Variants in POTEF observed in about 807,000 individuals in gnomAD.
POTEF encodes POTE ankyrin domain family member F.
In POTEF, 20 loss-of-function variants were observed where a neutral mutation model predicts 83.2. The observed-to-expected ratio is 0.24, with a 90% CI of 0.17 to 0.35. The LOEUF is 0.35. POTEF is among the 10% of genes least tolerant of loss of function. The probability of loss-of-function intolerance (pLI) is 1.00; values close to 1 mark genes in which losing one functional copy is unlikely to be tolerated. For missense variants in POTEF, 550 were observed against 1,203.2 expected (o/e 0.46, Z 8.03); for synonymous variants, 196 against 446.4 (o/e 0.44, Z 7.07).
intron 1 of POTEF, 72 bp from the exon 2 acceptor site, chr2:130,127,936 C>T (rs1685139375): frequency 1.5e-5 from 2 of 129,436 alleles, no homozygotes; most frequent in Non-Finnish European, 3.3e-5. Flanking sequence ...TGGCAGGGAC[C>T]AGCTTCAGCT....
chr2:130,109,121 G>C (rs1485424265), intron 7 of POTEF: 13 of 150,870 alleles, frequency 8.6e-5, no homozygotes, highest in Non-Finnish European at 1.9e-4. Context: ...TCAATATTTG[G>C]GTGGCACCCA....
intron 2 of POTEF, among the ~76,000 whole-genome samples, chr2:130,121,871 CTAGT>C (rs1031960746): frequency 1.4e-4 from 16 of 114,842 alleles, no homozygotes; most frequent in East Asian, 7.8e-4. Context: ...AGTGTATTAA[CTAGT>C]TAAACAATCA....
chr2:130,119,361 T>C (rs952781290), intron 3 of POTEF, among the ~76,000 whole-genome samples: 1 of 151,622 alleles, frequency 6.6e-6, no homozygotes, highest in African/African-American at 2.4e-5. Context: ...AGAGACAGGG[T>C]TTCACCGTGT....
At chr2:130,100,877 A>G (rs1684352235) in intron 9 of POTEF, among the ~76,000 whole-genome samples, 157 bp from the exon 10 acceptor site, 1 of 146,876 alleles carries the variant, frequency 6.8e-6, no homozygotes, top group South Asian at 2.1e-4. Context: ...ACTGTTAAAT[A>G]AATAATAATT....
chr2:130,118,860 A>G (rs1223626738), intron 3 of POTEF, among the ~76,000 whole-genome samples: 1 of 151,026 alleles, frequency 6.6e-6, no homozygotes. Flanking sequence ...ATTATGAACA[A>G]TCCATCTTTT....
chr2:130,088,870 T>TG (rs1684065715), intron 12 of POTEF, among the ~76,000 whole-genome samples: 1 of 152,160 alleles, frequency 6.6e-6, no homozygotes, highest in South Asian at 2.1e-4. Flanking sequence ...CCACCACACC[T>TG]GGCCTTATTT....
At chr2:130,105,992 T>C (rs1181085322) in intron 8 of POTEF, among the ~76,000 whole-genome samples, 3 of 151,124 alleles carry the variant, frequency 2.0e-5, no homozygotes, top group Non-Finnish European at 2.9e-5. Context: ...GCCAGTGAAA[T>C]GTTACAGGAA....
chr2:130,107,218 T>A (rs1405278975), intron 8 of POTEF, among the ~76,000 whole-genome samples: 1 of 148,378 alleles, frequency 6.7e-6, no homozygotes, highest in South Asian at 2.1e-4. Flanking sequence ...TAGCAGAGCA[T>A]CTTGTTCTAA....
chr2:130,073,971 A>G lies in POTEF; in HGVS notation c.*273T>C, dbSNP rs935183344. 14 of 658,004 alleles carry G rather than the reference A, an allele frequency of 2.1e-5. No individual in the cohort carries two copies. The highest frequency in any genetic ancestry group is 2.0e-5 in the Non-Finnish European group (8 of 397,524). The allele number at this position is 658,004 out of a possible 1,614,324, so 40.8% of individuals were successfully genotyped here. On this transcript the variant is annotated 3_prime_UTR_variant, in exon 17 of 17. Transcript: ENST00000409914. ...TTAGCAGGGCAAGGGGCTTCCTGAA[A>G]CAATGCGTCTCACAATATTTGGAAT...
intron 3 of POTEF, among the ~76,000 whole-genome samples, chr2:130,115,990 C>T (rs924450283): frequency 5.9e-5 from 9 of 152,008 alleles, no homozygotes; most frequent in East Asian, 1.9e-4. Flanking sequence ...TGGGGCATCA[C>T]ACAATCCCTG....
At position 130,110,708 on chromosome 2, in the gene POTEF, TAA is replaced by T. The variant is rs757256024; in HGVS notation, c.918-30_918-29del. ...AAAATGACAGAGATAGGAACTGTAA[TAA>T]AGTTATTTTTAAAGCTAATTTGATA... On this transcript the variant is annotated intron_variant, in intron 6 of 16. Transcript: ENST00000409914. 2.1e-5 allele frequency: 22 copies of T among 1,065,466 alleles called. 1 individual carries two copies. Among genetic ancestry groups the T allele is most frequent in the Non-Finnish European group, 2.6e-5 (21 of 800,406 alleles). The allele number at this position is 1,065,466 out of a possible 1,614,324, so 66.0% of individuals were successfully genotyped here. A position where few individuals can be genotyped will look rare whatever the true frequency, so the allele number is the denominator to read the frequency against.
Position 130,112,040 on chromosome 2 carries a change from A to G in POTEF, c.872T>C (p.Leu291Ser), listed in dbSNP as rs770123163. The G allele has an allele frequency of 4.2e-6, 5 of 1,193,248 alleles. 1 individual carries two copies. Among genetic ancestry groups the G allele is most frequent in the Non-Finnish European group, 5.8e-6 (5 of 866,292 alleles). The allele number at this position is 1,193,248 out of a possible 1,614,324, so 73.9% of individuals were successfully genotyped here. A position where few individuals can be genotyped will look rare whatever the true frequency, so the allele number is the denominator to read the frequency against. ...ATTTAAATTCGCTTTTTTCTTAATT[A>G]AAAATTTCACGACTTGCTGTTTTTG... ...HEQKQQVVKF[L>S]IKKKANLNAL... Residue 291 changes from leucine (L) to serine (S), a missense_variant, in exon 6 of 17, where the codon TTA (leucine) becomes TCA (serine). By Grantham distance (145) the Leu-to-Ser change is moderately radical. Coordinates refer to ENST00000409914, the MANE Select transcript of POTEF (RefSeq NM_001099771.2).
intron 3 of POTEF, among the ~76,000 whole-genome samples, chr2:130,118,000 G>A (rs180746661): frequency 0.046 from 6,942 of 150,790 alleles, 576 homozygotes; most frequent in African/African-American, 0.16. Flanking sequence ...GAATGTAGTG[G>A]CGCGATCTCG....
Position 130,115,470 on chromosome 2 carries a change from C to T in POTEF, c.522-142G>A, listed in dbSNP as rs1684823186. 4.6e-6 allele frequency: 5 copies of T among 1,089,032 alleles called. No individual in the cohort carries two copies. In the East Asian group the frequency reaches 1.3e-4, roughly 28 times the overall value. 67.5% of individuals were successfully genotyped at this position (1,089,032 alleles called of 1,614,324 possible). ...ATTTAACTTTCCCATGAAAAAAGCACACTATTTATTATCTCTCATTGCTCG... is the reference window on the plus strand; with the variant it reads ...ATTTAACTTTCCCATGAAAAAAGCATACTATTTATTATCTCTCATTGCTCG... On this transcript the variant is annotated intron_variant, in intron 3 of 16. Transcript: ENST00000409914.
At chr2:130,128,548 A>T (rs1399617189) in intron 1 of POTEF, among the ~76,000 whole-genome samples, 1 of 79,840 alleles carries the variant, frequency 1.3e-5, no homozygotes, top group African/African-American at 4.6e-5. Context: ...TAACCCCAAT[A>T]CCCCCCCCAA....
chr2:130,106,008 T>C (rs976388141), intron 8 of POTEF, among the ~76,000 whole-genome samples: 10 of 151,282 alleles, frequency 6.6e-5, no homozygotes, highest in Non-Finnish European at 8.8e-5. Context: ...AGGAAGCCCT[T>C]TGCATGCTTC....
At chr2:130,122,910 G>A (rs1439514547) in intron 2 of POTEF, among the ~76,000 whole-genome samples, 2 of 151,050 alleles carry the variant, frequency 1.3e-5, no homozygotes, top group Non-Finnish European at 2.9e-5. Context: ...TTTATCAGCT[G>A]TAATGGGTTT....
Position 130,100,740 on chromosome 2 carries a change from A to G in POTEF, c.1198-20T>C, listed in dbSNP as rs766830289. 8 of 1,608,478 alleles carry G rather than the reference A, an allele frequency of 5.0e-6. No homozygotes were observed. The highest frequency in any genetic ancestry group is 1.1e-5 in the South Asian group (1 of 90,464). On this transcript the variant is annotated intron_variant, in intron 9 of 16. Transcript: ENST00000409914. ...CATTTTCTGCAGAGGCAAAAACAGA[A>G]GGTTAATTTGCTTGTTGTGTTTCTG... is the stretch of plus-strand genomic sequence containing the variant.
At chr2:130,114,737 A>T (rs1684797859) in intron 5 of POTEF, 144 bp downstream of exon 5, 2 of 1,235,850 alleles carry the variant, frequency 1.6e-6, no homozygotes, top group African/African-American at 1.6e-5. Context: ...ATTTAAAATG[A>T]AGTCTTAGAT....
Sources: allele counts gnomAD v4.1 joint callset (sites outside exome capture counted in the v4.1 genomes callset), GRCh38; gene constraint gnomAD v4.1.1; transcripts MANE v1.5; gene names NCBI Gene and HGNC (gene_info 2026-07-23, HGNC 2026-07-21).